RIT2: variants seen among roughly 807,000 people sequenced by gnomAD.
RIT2 encodes the protein GTP-binding protein Rit2.
A neutral mutation model predicts 23.7 loss-of-function variants in RIT2; 24 were observed. The observed-to-expected ratio is 1.01, with a 90% CI of 0.73 to 1.43. The LOEUF (loss-of-function observed/expected upper bound fraction) is 1.43. RIT2 is among the 40% of genes most tolerant of loss of function. The pLI is 0.00. For missense variants in RIT2, 236 were observed against 266.9 expected, an observed-to-expected ratio of 0.88 and a Z score of 0.81; for synonymous variants, 107 against 91.1, an observed-to-expected ratio of 1.17 and a Z score of -0.99.
At chr18:42,942,133 A>T (rs1909618498) in intron 3 of RIT2, among the ~76,000 whole-genome samples, 1 of 152,014 alleles carries the variant, frequency 6.6e-6, no homozygotes. Flanking sequence ...TATGTCAAAC[A>T]CTTACACTGA....
intron 4 of RIT2, among the ~76,000 whole-genome samples, chr18:42,830,318 G>A (rs1458764800): frequency 6.6e-6 from 1 of 152,132 alleles, no homozygotes; most frequent in African/African-American, 2.4e-5. Flanking sequence ...GGTGTTGCCT[G>A]GTCTTCTGTT....
chr18:43,098,010 C>T (rs138724592), intron 1 of RIT2, among the ~76,000 whole-genome samples: 123 of 152,038 alleles, frequency 8.1e-4, no homozygotes, highest in African/African-American at 2.7e-3. Flanking sequence ...AGCTAAAGTG[C>T]TAGCTATAAA....
chr18:42,910,692 G>A (rs1216858886), intron 4 of RIT2, among the ~76,000 whole-genome samples: 1 of 152,036 alleles, frequency 6.6e-6, no homozygotes, highest in African/African-American at 2.4e-5. Flanking sequence ...ATTGGCTGCG[G>A]GATGAGCATA....
At chr18:42,958,907 A>G (rs1910035909) in intron 3 of RIT2, among the ~76,000 whole-genome samples, 1 of 152,118 alleles carries the variant, frequency 6.6e-6, no homozygotes, top group African/African-American at 2.4e-5. Flanking sequence ...CTCTCCATCA[A>G]TGACATCTCA....
At chr18:43,070,128 A>G (rs756613593) in intron 1 of RIT2, among the ~76,000 whole-genome samples, 3 of 152,160 alleles carry the variant, frequency 2.0e-5, no homozygotes, top group Non-Finnish European at 2.9e-5. Context: ...TAGGAAAATA[A>G]GAGTGGGGGG....
At chr18:43,032,893 C>A (rs1249387833) in intron 2 of RIT2, among the ~76,000 whole-genome samples, 1 of 152,024 alleles carries the variant, frequency 6.6e-6, no homozygotes, top group African/African-American at 2.4e-5. Context: ...ATTAAAATTT[C>A]TTGATAAGCA....
intron 3 of RIT2, among the ~76,000 whole-genome samples, chr18:42,941,846 A>T (rs1909608177): frequency 6.6e-6 from 1 of 152,128 alleles, no homozygotes; most frequent in Non-Finnish European, 1.5e-5. Flanking sequence ...CAACCCTATA[A>T]TGAAGAGACT....
chr18:42,839,210 T>C (rs1429397479), intron 4 of RIT2, among the ~76,000 whole-genome samples: 1 of 152,150 alleles, frequency 6.6e-6, no homozygotes, highest in Non-Finnish European at 1.5e-5. Context: ...TAGAGGGCCA[T>C]TTTTTAGGAT....
At chr18:43,057,487 GA>G (rs1912531876) in intron 1 of RIT2, among the ~76,000 whole-genome samples, 1 of 152,118 alleles carries the variant, frequency 6.6e-6, no homozygotes, top group Non-Finnish European at 1.5e-5. Flanking sequence ...ATTAAAGTTA[GA>G]CATCTATGAA....
At chr18:42,969,392 A>C (rs889734114) in intron 3 of RIT2, among the ~76,000 whole-genome samples, 3 of 152,196 alleles carry the variant, frequency 2.0e-5, no homozygotes, top group Non-Finnish European at 2.9e-5. Context: ...AAGCTTTCAG[A>C]GAAGAATTAT....
At chr18:42,986,272 C>G (rs1256971055) in intron 2 of RIT2, among the ~76,000 whole-genome samples, 1 of 151,948 alleles carries the variant, frequency 6.6e-6, no homozygotes, top group African/African-American at 2.4e-5. Context: ...AACTCCTGAC[C>G]TCAGGTAATC....
intron 4 of RIT2, among the ~76,000 whole-genome samples, chr18:42,904,615 TG>T (rs1224223154): frequency 6.6e-6 from 1 of 152,092 alleles, no homozygotes; most frequent in Non-Finnish European, 1.5e-5. Flanking sequence ...GGAAGAAATT[TG>T]TAGACAAATA....
chr18:43,112,022 GTAT>G (rs147391736), intron 1 of RIT2, among the ~76,000 whole-genome samples: 4,892 of 151,610 alleles, frequency 0.032, 238 homozygotes, highest in African/African-American at 0.1. Flanking sequence ...TTATACAGAA[GTAT>G]TATGCATAGT....
At chr18:43,049,965 G>A (rs1912336541) in intron 1 of RIT2, among the ~76,000 whole-genome samples, 1 of 96,900 alleles carries the variant, frequency 1.0e-5, no homozygotes, top group Non-Finnish European at 2.1e-5. Flanking sequence ...AATTGAGAAG[G>A]GATTTCCTTT....
At chr18:42,868,370 G>A (rs1907529096) in intron 4 of RIT2, among the ~76,000 whole-genome samples, 1 of 152,238 alleles carries the variant, frequency 6.6e-6, no homozygotes, top group Admixed American at 6.5e-5. Flanking sequence ...TGTTGGTCTT[G>A]TGGGAGAGGG....
chr18:42,836,630 G>C (rs185765378), intron 4 of RIT2, among the ~76,000 whole-genome samples: 21 of 152,226 alleles, frequency 1.4e-4, no homozygotes, highest in African/African-American at 5.1e-4. Flanking sequence ...GAAAAGGAAC[G>C]TTAAGCCCCA....
chr18:42,760,159 GA>G (rs1410937094), intron 4 of RIT2, among the ~76,000 whole-genome samples: 1 of 152,160 alleles, frequency 6.6e-6, no homozygotes, highest in African/African-American at 2.4e-5. Context: ...GGATTGTGGG[GA>G]TATTATATGT....
chr18:42,745,341 G>GCAATTTTGCAATTGTTTGTAAT (rs1912892418), intron 4 of RIT2, among the ~76,000 whole-genome samples: 1 of 152,112 alleles, frequency 6.6e-6, no homozygotes, highest in African/African-American at 2.4e-5. Context: ...TGTAATCAGG[G>GCAATTTTGCAATTGTTTGTAAT]CAGAAACCAA....
At chr18:42,976,167 A>T (rs1209454438) in intron 2 of RIT2, among the ~76,000 whole-genome samples, 1 of 152,026 alleles carries the variant, frequency 6.6e-6, no homozygotes, top group Non-Finnish European at 1.5e-5. Flanking sequence ...ATTACTTCCC[A>T]CTTATACTTG....
Sources: gnomAD v4.1 joint callset for allele counts (sites outside exome capture counted in the v4.1 genomes callset) on GRCh38, gnomAD v4.1.1 for gene constraint, MANE v1.5 for transcripts, NCBI Gene and HGNC (gene_info 2026-07-23, HGNC 2026-07-21) for gene names.